The following DNAH12 variants were observed in gnomAD, a reference collection of about 807,000 sequenced individuals.
DNAH12 encodes axonemal beta dynein heavy chain 12.
A neutral mutation model predicts 371.5 loss-of-function variants in DNAH12; 285 were observed. That is an observed-to-expected ratio of 0.77 (90% CI 0.70 to 0.85). The LOEUF is 0.85. DNAH12 is among the 40% of genes least tolerant of loss of function. The pLI, the probability that DNAH12 is intolerant of heterozygous loss-of-function variation, is 0.00. For synonymous variants in DNAH12, 1,200 were observed against 1,213.0 expected, an observed-to-expected ratio of 0.99 and a Z score of 0.22; for missense variants, 3,611 against 3,689.4, an observed-to-expected ratio of 0.98 and a Z score of 0.55.
At chr3:57,523,279 G>A (rs775498966) in intron 4 of DNAH12, among the ~76,000 whole-genome samples, 1 of 151,942 alleles carries the variant, frequency 6.6e-6, no homozygotes, top group Non-Finnish European at 1.5e-5. Flanking sequence ...AGCTACTCAG[G>A]AGGCTGAGGT....
chr3:57,434,903 G>A (rs1190674842), intron 30 of DNAH12, among the ~76,000 whole-genome samples: 1 of 152,162 alleles, frequency 6.6e-6, no homozygotes, highest in Admixed American at 6.5e-5. Context: ...AAGCAGGAAT[G>A]AAAGAGGGAG....
intron 60 of DNAH12, among the ~76,000 whole-genome samples, chr3:57,350,164 G>A (rs1269612706): frequency 6.6e-6 from 1 of 151,942 alleles, no homozygotes; most frequent in Non-Finnish European, 1.5e-5. Context: ...AGGGATAAGA[G>A]ACTACACATT....
intron 39 of DNAH12, among the ~76,000 whole-genome samples, chr3:57,411,893 A>G (rs1383915061): frequency 2.0e-5 from 3 of 152,182 alleles, no homozygotes; most frequent in African/African-American, 7.2e-5. Context: ...AGAGAAAAAC[A>G]AAGTCAGAGG....
chr3:57,555,636 C>T, the DNAH12 span, among the ~76,000 whole-genome samples: 1 of 152,224 alleles, frequency 6.6e-6, no homozygotes, highest in Non-Finnish European at 1.5e-5. Context: ...TCTCGGGACT[C>T]TGCATCTGTA....
chr3:57,449,404 T>G (rs1249021884), intron 25 of DNAH12, among the ~76,000 whole-genome samples: 2 of 152,084 alleles, frequency 1.3e-5, no homozygotes, highest in Non-Finnish European at 2.9e-5. Flanking sequence ...GGGGTGGTGC[T>G]CCTCAGGGAG....
In DNAH12 at chr3:57,509,137, C is replaced by T; in HGVS notation, c.542+3G>A. The T allele has an allele frequency of 6.2e-7, 1 of 1,605,696 alleles. No homozygotes were observed. The highest frequency in any genetic ancestry group is 8.5e-7 in the Non-Finnish European group (1 of 1,177,484). The stretch of plus-strand genomic sequence containing the variant: ...AGTACTGTTTTTAAAATAATTTACT[C>T]ACACAGGAGATTCAGGTAAAGGACC... On this transcript the variant is annotated splice_donor_region_variant and intron_variant, in intron 6 of 73. Coordinates refer to ENST00000495027, the MANE Select transcript of DNAH12 (RefSeq NM_001366028.2).
intron 16 of DNAH12, 29 bp from the exon 17 acceptor site, chr3:57,469,008 C>T: frequency 5.3e-6 from 8 of 1,509,234 alleles, no homozygotes; most frequent in Non-Finnish European, 6.2e-6. Context: ...TATTATTAAA[C>T]TCAGACTTTT....
intron 62 of DNAH12, among the ~76,000 whole-genome samples, chr3:57,324,737 C>T (rs1026289518): frequency 5.9e-5 from 9 of 152,178 alleles, no homozygotes; most frequent in African/African-American, 1.2e-4. Context: ...GTGGGTGCAG[C>T]GCACCATGCA....
At chr3:57,402,555 A>C in intron 43 of DNAH12, 8 of 723,510 alleles carry the variant, frequency 1.1e-5, no homozygotes, top group Non-Finnish European at 1.6e-5. Context: ...AACTGGAATA[A>C]ATATATAGTC....
At chr3:57,454,266 A>G (rs2065840150) in intron 23 of DNAH12, among the ~76,000 whole-genome samples, 1 of 152,118 alleles carries the variant, frequency 6.6e-6, no homozygotes, top group African/African-American at 2.4e-5. Context: ...GGATCTCCTG[A>G]GGTCAGGTGT....
intron 62 of DNAH12, 21 bp downstream of exon 62, chr3:57,334,444 T>C (rs747848235): frequency 1.1e-4 from 170 of 1,534,360 alleles, no homozygotes; most frequent in South Asian, 3.8e-4. Context: ...GGGTTCCAAA[T>C]AGAACACATT....
intron 37 of DNAH12, among the ~76,000 whole-genome samples, chr3:57,417,385 A>G (rs944441700): frequency 6.6e-6 from 1 of 152,210 alleles, no homozygotes; most frequent in Admixed American, 6.5e-5. Flanking sequence ...TGAAATATGA[A>G]CACAAAATTA....
At chr3:57,406,692 C>T (rs1553681370) in intron 40 of DNAH12, among the ~76,000 whole-genome samples, 2 of 152,254 alleles carry the variant, frequency 1.3e-5, no homozygotes, top group East Asian at 3.9e-4. Flanking sequence ...CTTGTTACTA[C>T]AATCAACTTC....
At chr3:57,532,761 C>T (rs922546356) in intron 2 of DNAH12, among the ~76,000 whole-genome samples, 3 of 152,202 alleles carry the variant, frequency 2.0e-5, no homozygotes, top group African/African-American at 7.2e-5. Context: ...GCCACCACCA[C>T]TCAACTGTGC....
intron 8 of DNAH12, among the ~76,000 whole-genome samples, chr3:57,507,150 A>T (rs2067793967): frequency 6.6e-6 from 1 of 152,112 alleles, no homozygotes; most frequent in Non-Finnish European, 1.5e-5. Context: ...CTTCAACAGT[A>T]AAAATTTGAG....
the DNAH12 span, among the ~76,000 whole-genome samples, chr3:57,552,080 T>C: frequency 6.6e-6 from 1 of 151,398 alleles, no homozygotes; most frequent in Non-Finnish European, 1.5e-5. Context: ...CTGTCTCTAC[T>C]AAAAAATACA....
intron 60 of DNAH12, among the ~76,000 whole-genome samples, chr3:57,337,295 C>G (rs992026547): frequency 6.6e-6 from 1 of 151,512 alleles, no homozygotes; most frequent in Admixed American, 6.6e-5. Flanking sequence ...ACTGCTTGAG[C>G]CCAGGAGCTC....
intron 44 of DNAH12, among the ~76,000 whole-genome samples, chr3:57,393,353 C>T (rs1215796566): frequency 2.0e-5 from 3 of 152,014 alleles, no homozygotes; most frequent in Admixed American, 6.5e-5. Context: ...AGTGGCCGGG[C>T]GAGGTGGCTC....
At chr3:57,406,045 A>G (rs1192649977) in intron 40 of DNAH12, 93 bp from the exon 41 acceptor site, 1 of 1,318,288 alleles carries the variant, frequency 7.6e-7, no homozygotes, top group African/African-American at 1.5e-5. Flanking sequence ...TATTTTATTT[A>G]CTCTGTCAGA....
Sources: gnomAD v4.1 joint callset for allele counts (sites outside exome capture counted in the v4.1 genomes callset) on GRCh38, gnomAD v4.1.1 for gene constraint, MANE v1.5 for transcripts, NCBI Gene and HGNC (gene_info 2026-07-23, HGNC 2026-07-21) for gene names.